The following DOCK7 variants were observed in gnomAD, a reference collection of about 807,000 sequenced individuals.
DOCK7 encodes the protein dedicator of cytokinesis 7, also known as dedicator of cytokinesis protein 7.
A neutral mutation model predicts 271.0 loss-of-function variants in DOCK7; 138 were observed. The ratio of observed to expected loss-of-function variants is 0.51; its 90% CI spans 0.44 to 0.59. The LOEUF (loss-of-function observed/expected upper bound fraction) is 0.59, where lower values mean the gene tolerates loss of function less well. Among genes scored for constraint, DOCK7 ranks in the 20% least tolerant of loss-of-function variants. The pLI, the probability that DOCK7 is intolerant of heterozygous loss-of-function variation, is 0.00. For missense variants in DOCK7, 2,066 were observed against 2,592.4 expected (o/e 0.80, Z 4.41); for synonymous variants, 823 against 876.1 (o/e 0.94, Z 1.07).
At chr1:62,601,894 C>T in intron 14 of DOCK7, 1 of 1,551,822 alleles carries the variant, frequency 6.4e-7, no homozygotes, top group South Asian at 1.1e-5. Context: ...TAAAACCTGT[C>T]TAAGGAGAAT....
chr1:62,684,686 A>G (rs1480489892), intron 1 of DOCK7, among the ~76,000 whole-genome samples: 1 of 152,248 alleles, frequency 6.6e-6, no homozygotes, highest in East Asian at 1.9e-4. Flanking sequence ...CAATTTGTCT[A>G]CAGTCTACAT....
intron 43 of DOCK7, 161 bp from the exon 44 acceptor site, chr1:62,477,986 AG>A: frequency 1.3e-6 from 1 of 788,710 alleles, no homozygotes; most frequent in Non-Finnish European, 1.8e-6. Flanking sequence ...CAAAGTAAAC[AG>A]TCTTTCCTTT....
chr1:62,573,886 T>C (rs530606198), intron 18 of DOCK7, among the ~76,000 whole-genome samples: 1 of 152,202 alleles, frequency 6.6e-6, no homozygotes, highest in Admixed American at 6.5e-5. Flanking sequence ...CACCTCAGCC[T>C]TCCAAAGCAC....
In DOCK7 at chr1:62,561,639, G is replaced by C; in HGVS notation, c.2177C>G (p.Ala726Gly). 6.4e-7 allele frequency: 1 copy of C among 1,568,298 alleles called. No homozygotes were observed. The highest frequency in any genetic ancestry group is 8.6e-7 in the Non-Finnish European group (1 of 1,164,530). Residue 726 changes from alanine to glycine, a missense_variant, in exon 19 of 50, where the codon GCT (alanine) becomes GGT (glycine). By Grantham distance (60) the Ala-to-Gly change is moderately conservative (BLOSUM62 0). Coordinates refer to ENST00000635253, the MANE Select transcript of DOCK7 (RefSeq NM_001367561.1). The part of the protein sequence containing the change: ...HKGVFNVEVV[A>G]VSSIHTQDPY... ...CACTTGTGTATGGATAGACGAAACA[G>C]CAACAACTTCAACATTAAAAACACC... is the stretch of plus-strand genomic sequence containing the variant.
intron 38 of DOCK7, chr1:62,495,969 A>G: frequency 2.7e-6 from 1 of 365,170 alleles, no homozygotes; most frequent in Non-Finnish European, 4.8e-6. Context: ...AAGAATACAA[A>G]AGGAAAATTC....
Position 62,580,316 on chromosome 1 carries a change from G to GA in DOCK7, c.1872-1351dup, listed in dbSNP as rs934610657. Among the ~76,000 whole-genome samples, 25 of 151,750 alleles carry GA rather than the reference G, an allele frequency of 1.6e-4. 1 individual carries two copies. Among genetic ancestry groups the GA allele is most frequent in the Admixed American group, 1.4e-3 (22 of 15,252 alleles). On this transcript the variant is annotated intron_variant, in intron 16 of 49. Transcript: ENST00000635253. ...CATCTGAGAACTTGATGACTTCAGT[G>GA]AAAAAAAATAAGACACTAGGCATCT... is the stretch of plus-strand genomic sequence containing the variant.
intron 14 of DOCK7, chr1:62,602,223 T>C: frequency 7.7e-7 from 1 of 1,303,676 alleles, no homozygotes; most frequent in Non-Finnish European, 1.1e-6. Context: ...AACAAAAAAG[T>C]GTTATTTACA....
At chr1:62,470,561 C>T (rs537249209) in intron 48 of DOCK7, among the ~76,000 whole-genome samples, 7 of 152,132 alleles carry the variant, frequency 4.6e-5, no homozygotes, top group Non-Finnish European at 8.8e-5. Flanking sequence ...TTTGGGAGGC[C>T]GACTCAGGCA....
intron 25 of DOCK7, among the ~76,000 whole-genome samples, chr1:62,542,139 A>C (rs1328202026): frequency 1.3e-5 from 2 of 152,242 alleles, no homozygotes; most frequent in African/African-American, 4.8e-5. Context: ...CGGCCTTCTA[A>C]AGTGCTGAGA....
intron 39 of DOCK7, 197 bp from the exon 40 acceptor site, chr1:62,494,664 T>A: frequency 1.0e-5 from 3 of 289,300 alleles, no homozygotes; most frequent in Non-Finnish European, 1.3e-5. Context: ...TATCAGTTGG[T>A]GGGGGGGGCA....
At chr1:62,681,561 T>TAAAAAAAAAAAAAG (rs1661166770) in intron 1 of DOCK7, among the ~76,000 whole-genome samples, 1 of 140,776 alleles carries the variant, frequency 7.1e-6, no homozygotes, top group Non-Finnish European at 1.6e-5. Context: ...AAAATAAAAA[T>TAAAAAAAAAAAAAG]ACAAAAAAAA....
At chr1:62,498,203 G>A (rs1196073367) in intron 37 of DOCK7, among the ~76,000 whole-genome samples, 4 of 151,938 alleles carry the variant, frequency 2.6e-5, no homozygotes, top group Admixed American at 1.3e-4. Flanking sequence ...CTTTAGTCTG[G>A]GCAACAGAGT....
intron 1 of DOCK7, among the ~76,000 whole-genome samples, chr1:62,679,989 T>C (rs930564560): frequency 6.6e-6 from 1 of 152,108 alleles, no homozygotes; most frequent in African/African-American, 2.4e-5. Context: ...TTCAATGCCA[T>C]CCCCATCAAG....
chr1:62,586,164 A>G (rs1040314380), intron 15 of DOCK7, among the ~76,000 whole-genome samples: 14 of 152,210 alleles, frequency 9.2e-5, no homozygotes, highest in African/African-American at 1.7e-4. Flanking sequence ...CACAGACGCC[A>G]AAAGTACAGA....
At chr1:62,528,794 C>T (rs1423132672) in intron 30 of DOCK7, among the ~76,000 whole-genome samples, 1 of 152,140 alleles carries the variant, frequency 6.6e-6, no homozygotes, top group Non-Finnish European at 1.5e-5. Flanking sequence ...TAAGTAAATT[C>T]TAAATATGGA....
intron 7 of DOCK7, among the ~76,000 whole-genome samples, chr1:62,643,721 CTAAGT>C (rs1420377949): frequency 6.6e-6 from 1 of 152,082 alleles, no homozygotes; most frequent in Non-Finnish European, 1.5e-5. Context: ...TTCTTCTTCC[CTAAGT>C]TATTTCCATT....
At chr1:62,641,349 CA>C (rs1655999838) in intron 7 of DOCK7, 1 of 406,514 alleles carries the variant, frequency 2.5e-6, no homozygotes, top group Non-Finnish European at 4.8e-6. Context: ...TTCAGGCACA[CA>C]ACCTTGAGGG....
In DOCK7 at chr1:62,637,042, C is replaced by T. The variant is rs182431907; in HGVS notation, c.819-439G>A. ...ATGAATATTCAGAGGAAAACAGGAG[C>T]ATCCAAAGAATCATAATTAACAGTT... On this transcript the variant is annotated intron_variant, in intron 7 of 49. Coordinates refer to ENST00000635253, the MANE Select transcript of DOCK7 (RefSeq NM_001367561.1). 1.8e-4 allele frequency among the ~76,000 whole-genome samples: 27 copies of T among 152,220 alleles called. 1 individual carries two copies. The East Asian group carries it at 5.0e-3, about 28-fold the overall frequency.
chr1:62,553,851 G>A (rs573848010), intron 21 of DOCK7, among the ~76,000 whole-genome samples: 244 of 122,358 alleles, frequency 2.0e-3, no homozygotes, highest in African/African-American at 5.7e-3. Context: ...GCGTGCGTGC[G>A]CGCACACACA....
Sources: allele counts gnomAD v4.1 joint callset (sites outside exome capture counted in the v4.1 genomes callset), GRCh38; gene constraint gnomAD v4.1.1; transcripts MANE v1.5; gene names NCBI Gene and HGNC (gene_info 2026-07-23, HGNC 2026-07-21).